The following INTS14 variants were observed in gnomAD, a reference collection of about 807,000 sequenced individuals.
INTS14 encodes the protein integrator complex subunit 14, also known as UPF0464 protein C15orf44.
Under a neutral mutation model 56.9 loss-of-function variants are expected in INTS14, and 27 were observed. That is an observed-to-expected ratio of 0.47 (90% confidence interval 0.35 to 0.65). The LOEUF is 0.65. Among genes scored for constraint, INTS14 ranks in the 30% least tolerant of loss-of-function variants. INTS14 has a pLI of 0.00. For synonymous variants in INTS14, 207 were observed against 236.2 expected (o/e 0.88, Z 1.13); for missense variants, 517 against 632.2 (o/e 0.82, Z 1.95).
chr15:65,606,115 C>T (rs1177015471), intron 2 of INTS14, among the ~76,000 whole-genome samples: 1 of 151,822 alleles, frequency 6.6e-6, no homozygotes, highest in East Asian at 1.9e-4. Flanking sequence ...ATTAGCCGGG[C>T]GAGGTGGCGG....
At chr15:65,587,850 C>T in intron 9 of INTS14, among the ~76,000 whole-genome samples, 1 of 152,056 alleles carries the variant, frequency 6.6e-6, no homozygotes, top group South Asian at 2.1e-4. Context: ...GGCATGGTGG[C>T]ATGCACCCGT....
rs529969756 is a variant in INTS14 at position 65,592,057 on chromosome 15, G to A, written c.987-326C>T. Among the ~76,000 whole-genome samples the A allele has an allele frequency of 4.5e-4, 69 of 152,168 alleles. 1 individual carries two copies. Among genetic ancestry groups the A allele is most frequent in the Admixed American group, 7.2e-4 (11 of 15,276 alleles). ...GAGGGGTAAAGGCTGTGACCTATAGGTCCTGTCACCTGCCTCACTGAGTCA... is the reference window on the plus strand; with the variant it reads ...GAGGGGTAAAGGCTGTGACCTATAGATCCTGTCACCTGCCTCACTGAGTCA... On this transcript the variant is annotated intron_variant, in intron 8 of 11. Transcript: ENST00000313182.
chr15:65,582,127 G>A, intron 10 of INTS14, 108 bp from the exon 11 acceptor site: 2 of 948,356 alleles, frequency 2.1e-6, no homozygotes. Flanking sequence ...TGAGAACACA[G>A]CTACAATGTC....
chr15:65,610,440 G>A (rs2073863490), intron 1 of INTS14, among the ~76,000 whole-genome samples: 1 of 152,050 alleles, frequency 6.6e-6, no homozygotes, highest in African/African-American at 2.4e-5. Context: ...GGTGGATTCT[G>A]AGCCCCCAAG....
At chr15:65,587,168 T>C (rs938777461) in intron 9 of INTS14, among the ~76,000 whole-genome samples, 1 of 152,152 alleles carries the variant, frequency 6.6e-6, no homozygotes, top group African/African-American at 2.4e-5. Context: ...AACATATATA[T>C]ATTTTCAAAA....
rs762413272 is a variant in INTS14 at position 65,579,507 on chromosome 15, G to C, written c.1458C>G (p.Leu486=). 3.1e-6 allele frequency: 5 copies of C among 1,614,244 alleles called. No individual in the cohort carries two copies. The highest frequency in any genetic ancestry group is 4.2e-6 in the Non-Finnish European group (5 of 1,180,048). The change falls in exon 12 of 12, where the codon CTC becomes CTG. Residue 486 remains leucine, a synonymous_variant. Transcript: ENST00000313182. ...AFQLTHAAQQ[L]KLASTGTSEY... ...CAGAGGTGCCGGTACTGGCCAGCTT[G>C]AGCTGCTGGGCAGCATGGGTCAGCT...
chr15:65,580,808 T>G lies in INTS14; in HGVS notation c.1305+1146A>C, dbSNP rs901252051. 1.3e-4 allele frequency among the ~76,000 whole-genome samples: 20 copies of G among 152,298 alleles called. No homozygotes were observed. In the East Asian group the frequency reaches 1.5e-3, roughly 12 times the overall value. On this transcript the variant is annotated intron_variant, in intron 11 of 11. Transcript: ENST00000313182. ...GAGAATCAAGGAGCAAACCTAAATG[T>G]TCCCCACTCTACCCCACCCCCTGTA...
At chr15:65,584,537 T>C (rs957942278) in intron 10 of INTS14, among the ~76,000 whole-genome samples, 1 of 152,208 alleles carries the variant, frequency 6.6e-6, no homozygotes, top group East Asian at 1.9e-4. Context: ...ACAATTGTCT[T>C]CCTTCTTCCT....
intron 3 of INTS14, among the ~76,000 whole-genome samples, chr15:65,601,502 C>T (rs2073432137): frequency 6.6e-6 from 1 of 152,124 alleles, no homozygotes; most frequent in South Asian, 2.1e-4. Flanking sequence ...GCCATAAAGC[C>T]CACCTAATTT....
At chr15:65,589,075 T>C (rs2072932470) in intron 9 of INTS14, among the ~76,000 whole-genome samples, 1 of 152,244 alleles carries the variant, frequency 6.6e-6, no homozygotes, top group Non-Finnish European at 1.5e-5. Context: ...TGTTGCTATG[T>C]TGGAAGCCAG....
intron 3 of INTS14, among the ~76,000 whole-genome samples, chr15:65,600,670 C>CA (rs1259495360): frequency 6.7e-6 from 1 of 149,568 alleles, no homozygotes; most frequent in East Asian, 1.9e-4. Flanking sequence ...AAAAAAACAA[C>CA]AAAAAAAGGC....
At position 65,584,753 on chromosome 15, in the gene INTS14, A is replaced by G; in HGVS notation, c.1239+17T>C. On this transcript the variant is annotated intron_variant, in intron 10 of 11. Coordinates refer to ENST00000313182, the MANE Select transcript of INTS14 (RefSeq NM_001394796.1). ...TCTCCTGTCCCCAGTGGAAAGCAACATAAATGGTAATGTTACCTGCAGGCC... is the reference window on the plus strand; with the variant it reads ...TCTCCTGTCCCCAGTGGAAAGCAACGTAAATGGTAATGTTACCTGCAGGCC... The G allele has an allele frequency of 6.2e-7, 1 of 1,608,180 alleles. No individual in the cohort carries two copies. The highest frequency in any genetic ancestry group is 8.5e-7 in the Non-Finnish European group (1 of 1,176,578).
chr15:65,606,148 G>T (rs1029597319), intron 2 of INTS14, among the ~76,000 whole-genome samples: 1 of 151,526 alleles, frequency 6.6e-6, no homozygotes, highest in African/African-American at 2.4e-5. Context: ...CCAGCTATTC[G>T]GAAGGCTGAG....
At chr15:65,599,117 A>C (rs935643589) in intron 4 of INTS14, 127 bp from the exon 5 acceptor site, 1 of 632,406 alleles carries the variant, frequency 1.6e-6, no homozygotes, top group African/African-American at 1.9e-5. Flanking sequence ...TTAATAGCCA[A>C]TGTGAGAAGA....
intron 7 of INTS14, among the ~76,000 whole-genome samples, chr15:65,594,082 G>C (rs1215780403): frequency 6.6e-6 from 1 of 152,082 alleles, no homozygotes; most frequent in Non-Finnish European, 1.5e-5. Context: ...GAAGCTTCAG[G>C]CACCCATTTA....
At chr15:65,603,895 C>T (rs1029868818) in intron 3 of INTS14, among the ~76,000 whole-genome samples, 11 of 152,290 alleles carry the variant, frequency 7.2e-5, no homozygotes, top group Middle Eastern at 3.4e-3. Context: ...AAAAAACTTG[C>T]GGACTCCTGT....
chr15:65,594,517 C>T (rs1368851600), intron 7 of INTS14, among the ~76,000 whole-genome samples: 5 of 150,818 alleles, frequency 3.3e-5, no homozygotes, highest in East Asian at 1.9e-4. Flanking sequence ...CTCAGCCTCC[C>T]GAGTAGCTGG....
rs770860130 is a variant in INTS14 at position 65,605,156 on chromosome 15, T to G, written c.303A>C (p.Gln101His). The change falls in exon 3 of 12, where the codon CAA becomes CAC. Residue 101 changes from glutamine (Q) to histidine (H), a missense_variant. By Grantham distance (24) the Gln-to-His change is conservative (BLOSUM62 0). Coordinates refer to ENST00000313182, the MANE Select transcript of INTS14 (RefSeq NM_001394796.1). Reference sequence around the variant, plus strand: ...GGCAAGGAATTGCACCACCCCATTCTTGCTGAACGATATTGCAAACACCAA... The same window carrying G: ...GGCAAGGAATTGCACCACCCCATTCGTGCTGAACGATATTGCAAACACCAA... ...ALVGVCNIVQ[Q>H]EWGGAIPCQV... 1.9e-6 allele frequency: 3 copies of G among 1,614,154 alleles called. No homozygotes were observed. Among genetic ancestry groups the G allele is most frequent in the Non-Finnish European group, 2.5e-6 (3 of 1,179,994 alleles).
chr15:65,594,291 A>G (rs1364034643), intron 7 of INTS14, among the ~76,000 whole-genome samples: 1 of 152,226 alleles, frequency 6.6e-6, no homozygotes, highest in Non-Finnish European at 1.5e-5. Flanking sequence ...TGCTTTGTTC[A>G]AAGACTTTCT....
Sources: gnomAD v4.1 joint callset for allele counts (sites outside exome capture counted in the v4.1 genomes callset) on GRCh38, gnomAD v4.1.1 for gene constraint, MANE v1.5 for transcripts, NCBI Gene and HGNC (gene_info 2026-07-23, HGNC 2026-07-21) for gene names.